Variants in DYNC2H1 observed in about 807,000 individuals in gnomAD.
The protein encoded by DYNC2H1 is dynein cytoplasmic 2 heavy chain 1.
In DYNC2H1, 410 loss-of-function variants were observed where a neutral mutation model predicts 570.0. The observed-to-expected ratio is 0.72, with a 90% CI of 0.66 to 0.78. The LOEUF is 0.78. Ranked by LOEUF, DYNC2H1 falls within the 30% of genes least tolerant of loss-of-function variation. DYNC2H1 has a pLI of 0.00. For synonymous variants in DYNC2H1, 1,688 were observed against 1,677.6 expected (o/e 1.01, Z -0.15); for missense variants, 4,865 against 5,046.4 (o/e 0.96, Z 1.09).
In DYNC2H1 at chr11:103,199,172, T is replaced by G; in HGVS notation, c.7840-56T>G. On this transcript the variant is annotated intron_variant, in intron 48 of 88. Coordinates refer to ENST00000375735, the MANE Select transcript of DYNC2H1 (RefSeq NM_001377.3). The surrounding 1 kb of genome is among the most constrained non-coding windows in gnomAD (Gnocchi z 4.6). Reference sequence around the variant, plus strand: ...TATTTTAACCTAGGTAAGTAACATTTTTATTATGTAATTAGGGCTTATATT... The same window carrying G: ...TATTTTAACCTAGGTAAGTAACATTGTTATTATGTAATTAGGGCTTATATT... 1 of 1,241,256 alleles carries G rather than the reference T, an allele frequency of 8.1e-7. No homozygotes were observed. The highest frequency in any genetic ancestry group is 1.1e-6 in the Non-Finnish European group (1 of 933,450). 76.9% of individuals were successfully genotyped at this position (1,241,256 alleles called of 1,614,324 possible).
chr11:103,369,836 G>T lies in DYNC2H1; in HGVS notation c.12156+11477G>T, dbSNP rs1164571856. 6.6e-6 allele frequency among the ~76,000 whole-genome samples: 1 copy of T among 152,186 alleles called. No individual in the cohort carries two copies. The highest frequency in any genetic ancestry group is 2.4e-5 in the African/African-American group (1 of 41,448). Reference sequence around the variant, plus strand: ...AATACCCACGTGTACTACATTGAGGGCCTTGGGTGAGGTTCTGAGGCTTAC... The same window carrying T: ...AATACCCACGTGTACTACATTGAGGTCCTTGGGTGAGGTTCTGAGGCTTAC... On this transcript the variant is annotated intron_variant, in intron 83 of 88. Coordinates refer to ENST00000375735, the MANE Select transcript of DYNC2H1 (RefSeq NM_001377.3). The surrounding 1 kb of genome is among the most constrained non-coding windows in gnomAD (Gnocchi z 4.0).
intron 85 of DYNC2H1, among the ~76,000 whole-genome samples, chr11:103,452,722 A>C (rs1045520325): frequency 6.6e-6 from 1 of 151,988 alleles, no homozygotes; most frequent in African/African-American, 2.4e-5. Context: ...CTCTTATGAC[A>C]TACTATTTAT....
chr11:103,377,126 C>T (rs1391793110), intron 83 of DYNC2H1, among the ~76,000 whole-genome samples: 1 of 152,156 alleles, frequency 6.6e-6, no homozygotes, highest in African/African-American at 2.4e-5. Flanking sequence ...GCCTTTTGAG[C>T]TTCTTGCATC....
At chr11:103,122,661 A>G (rs186195702) in intron 10 of DYNC2H1, among the ~76,000 whole-genome samples, 164 bp from the exon 11 acceptor site, 1 of 152,330 alleles carries the variant, frequency 6.6e-6, no homozygotes, top group Non-Finnish European at 1.5e-5. Context: ...GAAGCAAAGT[A>G]GGGGTTGATA....
rs372241092 is a variant in DYNC2H1 at position 103,186,349 on chromosome 11, A to C, written c.6741A>C (p.Glu2247Asp). The C allele has an allele frequency of 6.2e-7, 1 of 1,612,792 alleles. No individual in the cohort carries two copies. The highest frequency in any genetic ancestry group is 1.3e-5 in the African/African-American group (1 of 74,858). ...RLATYVLKKP[E>D]DLTADDFSNG... ...CAACATATGTGCTTAAGAAGCCAGA[A>C]GACTTGACTGCTGATGATTTCAGTA... The change falls in exon 42 of 89, where the codon GAA becomes GAC. Residue 2247 changes from glutamate (E) to aspartate (D), a missense_variant. By Grantham distance (45) the Glu-to-Asp change is conservative. Coordinates refer to ENST00000375735, the MANE Select transcript of DYNC2H1 (RefSeq NM_001377.3). This position sits in a 1 kb window ranked among gnomAD's most constrained non-coding sequence, Gnocchi z 4.5.
chr11:103,304,044 A>G (rs991674278), intron 76 of DYNC2H1, among the ~76,000 whole-genome samples: 8 of 151,600 alleles, frequency 5.3e-5, no homozygotes, highest in African/African-American at 1.9e-4. Flanking sequence ...CTTTTTTTCA[A>G]TTTGCATGTA....
At chr11:103,332,773 G>A (rs780895820) in intron 82 of DYNC2H1, among the ~76,000 whole-genome samples, 1 of 152,114 alleles carries the variant, frequency 6.6e-6, no homozygotes, top group South Asian at 2.1e-4. Flanking sequence ...AGGGCAAGGC[G>A]GGCAGATCAC....
rs560767975 is a variant in DYNC2H1, at chr11:103,122,995, T to C, written c.1656T>C (p.Gly552=). ...IQSGLSDSRS[G]LCIEASSRIM... ...CAGGTTTATCTGATTCCAGATCTGG[T>C]TTGTGGTAAGTATAGATATATTAAA... The change falls in exon 11 of 89, where the codon GGT becomes GGC. Residue 552 remains glycine (G), a synonymous_variant. Coordinates refer to ENST00000375735, the MANE Select transcript of DYNC2H1 (RefSeq NM_001377.3). 1 of 1,516,690 alleles carries C rather than the reference T, an allele frequency of 6.6e-7. No individual in the cohort carries two copies. Among genetic ancestry groups the C allele is most frequent in the African/African-American group, 1.4e-5 (1 of 72,968 alleles). 94.0% of individuals were successfully genotyped at this position (1,516,690 alleles called of 1,614,324 possible). A position where few individuals can be genotyped will look rare whatever the true frequency, so the allele number is the denominator to read the frequency against.
At chr11:103,447,671 T>A (rs1944471724) in intron 85 of DYNC2H1, among the ~76,000 whole-genome samples, 1 of 152,164 alleles carries the variant, frequency 6.6e-6, no homozygotes, top group South Asian at 2.1e-4. Context: ...CTTTGTTCTA[T>A]TTGAGAGGTT....
At chr11:103,476,940 A>G (rs1025478717) in intron 88 of DYNC2H1, among the ~76,000 whole-genome samples, 23 of 152,324 alleles carry the variant, frequency 1.5e-4, no homozygotes, top group African/African-American at 5.5e-4. Flanking sequence ...TCGATTTGAG[A>G]ATTAGCAGGG....
At chr11:103,392,596 T>A (rs1185985930) in intron 83 of DYNC2H1, among the ~76,000 whole-genome samples, 1 of 152,202 alleles carries the variant, frequency 6.6e-6, no homozygotes, top group African/African-American at 2.4e-5. Flanking sequence ...AGCTTTAGAC[T>A]GGAGCTGTTC....
chr11:103,223,142 AGGTTT>A, intron 59 of DYNC2H1, 56 bp downstream of exon 59: 1 of 1,425,164 alleles, frequency 7.0e-7, no homozygotes, highest in Non-Finnish European at 9.3e-7. Flanking sequence ...CAGTTTGATG[AGGTTT>A]TAATAATTAT....
rs911471996 is a variant in DYNC2H1 at position 103,465,825 on chromosome 11, C to T, written c.12649-2764C>T. ...AGTGCAGCATTTCTAGAAGGCAGAGCCTTTTAAAGCCTAGCTTCAGAAGTT... is the reference window on the plus strand; with the variant it reads ...AGTGCAGCATTTCTAGAAGGCAGAGTCTTTTAAAGCCTAGCTTCAGAAGTT... On this transcript the variant is annotated intron_variant, in intron 87 of 88. Transcript: ENST00000375735. The surrounding 1 kb of genome is among the most constrained non-coding windows in gnomAD (Gnocchi z 4.9). 6.6e-6 allele frequency among the ~76,000 whole-genome samples: 1 copy of T among 152,068 alleles called. No individual in the cohort carries two copies. Among genetic ancestry groups the T allele is most frequent in the African/African-American group, 2.4e-5 (1 of 41,408 alleles).
At chr11:103,297,340 G>A (rs1222369907) in intron 75 of DYNC2H1, among the ~76,000 whole-genome samples, 5 of 152,082 alleles carry the variant, frequency 3.3e-5, no homozygotes, top group African/African-American at 1.2e-4. Flanking sequence ...CAAAAGTACA[G>A]TCATGTGTTG....
chr11:103,225,578 T>C (rs1429444167), intron 59 of DYNC2H1, among the ~76,000 whole-genome samples: 1 of 152,170 alleles, frequency 6.6e-6, no homozygotes, highest in East Asian at 1.9e-4. Context: ...TTGGGTTTAT[T>C]TCTGGATTTT....
At chr11:103,445,625 A>G (rs2135779897) in intron 85 of DYNC2H1, among the ~76,000 whole-genome samples, 1 of 152,130 alleles carries the variant, frequency 6.6e-6, no homozygotes, top group South Asian at 2.1e-4. Flanking sequence ...GGCATGGGAG[A>G]GAGATATCAA....
rs1416734091 is a variant in DYNC2H1, at chr11:103,209,850, A to G, written c.8455-26A>G. ...TATGATATGGGACTTATACTCTTTC[A>G]TAGTGATATTCTTTTTATGTTTTAG... is the stretch of plus-strand genomic sequence containing the variant. On this transcript the variant is annotated intron_variant, in intron 52 of 88. Coordinates refer to ENST00000375735, the MANE Select transcript of DYNC2H1 (RefSeq NM_001377.3). This position sits in a 1 kb window ranked among gnomAD's most constrained non-coding sequence, Gnocchi z 4.2. 2 of 1,444,056 alleles carry G rather than the reference A, an allele frequency of 1.4e-6. No individual in the cohort carries two copies. The highest frequency in any genetic ancestry group is 2.7e-5 in the East Asian group (1 of 36,536). 89.5% of individuals were successfully genotyped at this position (1,444,056 alleles called of 1,614,324 possible).
intron 77 of DYNC2H1, 125 bp downstream of exon 77, chr11:103,304,845 A>T: frequency 9.8e-7 from 1 of 1,024,096 alleles, no homozygotes. Context: ...GAGAAATTTT[A>T]AATTTAAATA....
At chr11:103,282,145 T>G in intron 71 of DYNC2H1, 34 bp from the exon 72 acceptor site, 1 of 1,590,642 alleles carries the variant, frequency 6.3e-7, no homozygotes, top group South Asian at 1.2e-5. Context: ...TTATCATTTT[T>G]ATATTTTTGT....
Sources: gnomAD v4.1 joint callset for allele counts (sites outside exome capture counted in the v4.1 genomes callset) on GRCh38, gnomAD v4.1.1 for gene constraint, Gnocchi (gnomAD v3.1) non-coding constraint, MANE v1.5 for transcripts, NCBI Gene and HGNC (gene_info 2026-07-23, HGNC 2026-07-21) for gene names.